The following ZNF678 variants were observed in gnomAD, a reference collection of about 807,000 sequenced individuals.
ZNF678 encodes zinc finger protein 678.
Under a neutral mutation model 3.0 loss-of-function variants are expected in ZNF678, and 5 were observed. The ratio of observed to expected loss-of-function variants is 1.69; its 90% CI spans 0.88 to 3.56. The LOEUF is 3.56. Among genes scored for constraint, ZNF678 ranks in the 30% most tolerant of loss-of-function variants. The pLI, the probability that ZNF678 is intolerant of heterozygous loss-of-function variation, is 0.00. For missense variants in ZNF678, 593 were observed against 605.0 expected (o/e 0.98, Z 0.21); for synonymous variants, 218 against 199.6 (o/e 1.09, Z -0.78).
At chr1:227,600,845 T>C (rs1657720510) in intron 1 of ZNF678, among the ~76,000 whole-genome samples, 1 of 152,242 alleles carries the variant, frequency 6.6e-6, no homozygotes. Context: ...ATCTTCGTCA[T>C]GAAATCTTTG....
chr1:227,567,670 A>G (rs1656727943), intron 1 of ZNF678, among the ~76,000 whole-genome samples: 1 of 152,122 alleles, frequency 6.6e-6, no homozygotes, highest in African/African-American at 2.4e-5. Context: ...TATTTACATA[A>G]AAAGTTACTT....
At chr1:227,588,822 A>G (rs1414293794) in intron 1 of ZNF678, among the ~76,000 whole-genome samples, 16 of 151,618 alleles carry the variant, frequency 1.1e-4, no homozygotes, top group Non-Finnish European at 1.2e-4. Context: ...TGACTTTTTA[A>G]TAGCCATTTT....
intron 1 of ZNF678, among the ~76,000 whole-genome samples, chr1:227,592,004 C>CA (rs1657427692): frequency 6.6e-6 from 1 of 152,120 alleles, no homozygotes; most frequent in South Asian, 2.1e-4. Context: ...AGTCACTTTG[C>CA]AGGGGTTTGC....
intron 1 of ZNF678, among the ~76,000 whole-genome samples, chr1:227,579,259 G>A (rs1233456469): frequency 2.0e-5 from 3 of 152,144 alleles, no homozygotes; most frequent in Non-Finnish European, 4.4e-5. Context: ...GTTGCAGAGT[G>A]TGTGTGCCAT....
intron 1 of ZNF678, among the ~76,000 whole-genome samples, chr1:227,643,825 T>G (rs1001089996): frequency 1.3e-5 from 2 of 151,370 alleles, no homozygotes; most frequent in Admixed American, 6.6e-5. Flanking sequence ...CCATCTATAT[T>G]TAGCTTTTAT....
intron 1 of ZNF678, among the ~76,000 whole-genome samples, chr1:227,594,409 A>G (rs2102742136): frequency 6.6e-6 from 1 of 152,310 alleles, no homozygotes; most frequent in East Asian, 1.9e-4. Flanking sequence ...AATTTTTGTT[A>G]AAGAGCAGGT....
chr1:227,659,893 A>AT lies in ZNF678; in HGVS notation c.*4065_*4066insT, dbSNP rs1491279151. On this transcript the variant is annotated 3_prime_UTR_variant, in exon 4 of 4. Coordinates refer to ENST00000343776, the MANE Select transcript of ZNF678 (RefSeq NM_001367909.1). ...GGTCTTGGCACTTAAAAAAAAAAAA[A>AT]CAATATATTCTCAATAACTGTATTC... The AT allele has an allele frequency of 3.7e-5, 4 of 107,242 alleles. No individual in the cohort carries two copies. The East Asian group carries it at 9.1e-4, about 24-fold the overall frequency. The allele number at this position is 107,242 out of a possible 1,614,324, so 6.6% of individuals were successfully genotyped here. A position where few individuals can be genotyped will look rare whatever the true frequency, so the allele number is the denominator to read the frequency against.
intron 1 of ZNF678, among the ~76,000 whole-genome samples, chr1:227,578,127 C>G (rs147413729): frequency 2.8e-4 from 43 of 152,262 alleles, no homozygotes; most frequent in African/African-American, 9.6e-4. Context: ...ATGGGCTTCC[C>G]TTTGTAGGTT....
Position 227,563,590 on chromosome 1 carries a change from G to A in ZNF678, c.-298G>A. 2.1e-6 allele frequency: 2 copies of A among 951,750 alleles called. No homozygotes were observed. The highest frequency in any genetic ancestry group is 1.7e-5 in the African/African-American group (1 of 59,088). 59.0% of individuals were successfully genotyped at this position (951,750 alleles called of 1,614,324 possible). ...GTGCTCCAGCTGGAGCTTTGGTCCC[G>A]TATTCTCGGCTATTTATCCCCAGCT... is the stretch of plus-strand genomic sequence containing the variant. On this transcript the variant is annotated 5_prime_UTR_variant, in exon 1 of 4. Transcript: ENST00000343776.
In ZNF678 at chr1:227,638,108, T is replaced by C. The variant is rs1658725747; in HGVS notation, c.-163-8436T>C. Among the ~76,000 whole-genome samples, 1 of 152,208 alleles carries C rather than the reference T, an allele frequency of 6.6e-6. No individual in the cohort carries two copies. Among genetic ancestry groups the C allele is most frequent in the African/African-American group, 2.4e-5 (1 of 41,522 alleles). Reference sequence around the variant, plus strand: ...CCTGTCCAAAAAGGTGGGGGCTGTCTCTGAAACATTGAGGTGGTAGTACAC... The same window carrying C: ...CCTGTCCAAAAAGGTGGGGGCTGTCCCTGAAACATTGAGGTGGTAGTACAC... On this transcript the variant is annotated intron_variant, in intron 1 of 3. Coordinates refer to ENST00000343776, the MANE Select transcript of ZNF678 (RefSeq NM_001367909.1). This position sits in a 1 kb window ranked among gnomAD's most constrained non-coding sequence, Gnocchi z 4.2.
Position 227,655,627 on chromosome 1 carries a change from A to C in ZNF678, c.1377A>C (p.Lys459Asn). The stretch of plus-strand genomic sequence containing the variant: ...ATAAGAGAATTCATACTGAAGAGAA[A>C]CCCTACAAATGTGAAGAATGTGGCA... ...SKHKRIHTEE[K>N]PYKCEECGKA... Residue 459 changes from lysine to asparagine, a missense_variant, in exon 4 of 4, where the codon AAA becomes AAC. Transcript: ENST00000343776. The C allele has an allele frequency of 3.7e-6, 6 of 1,612,690 alleles. No homozygotes were observed. Among genetic ancestry groups the C allele is most frequent in the Non-Finnish European group, 5.1e-6 (6 of 1,179,306 alleles).
rs117706534 is a variant in ZNF678 at position 227,634,009 on chromosome 1, G to A, written c.-163-12535G>A. ...AGGAGAAGGAAGAGCGGGGAGGACT[G>A]TGTCTTGCATTTTTGTATACCAGCT... is the stretch of plus-strand genomic sequence containing the variant. On this transcript the variant is annotated intron_variant, in intron 1 of 3. Transcript: ENST00000343776. 3.9e-5 allele frequency among the ~76,000 whole-genome samples: 6 copies of A among 152,330 alleles called. No individual in the cohort carries two copies. The East Asian group carries it at 9.6e-4, about 24-fold the overall frequency.
In ZNF678 at chr1:227,661,562, T is replaced by A. The variant is rs1659407155; in HGVS notation, c.*5734T>A. On this transcript the variant is annotated 3_prime_UTR_variant, in exon 4 of 4. Coordinates refer to ENST00000343776, the MANE Select transcript of ZNF678 (RefSeq NM_001367909.1). The stretch of plus-strand genomic sequence containing the variant: ...TTTATGGAGCCAGGCATGGTTGACC[T>A]GCTTTCCATGTCTCAAAACATTAGT... 1 of 152,170 alleles carries A rather than the reference T, an allele frequency of 6.6e-6. No individual in the cohort carries two copies. The allele number at this position is 152,170 out of a possible 1,614,324, so 9.4% of individuals were successfully genotyped here.
downstream of ZNF678, among the ~76,000 whole-genome samples, chr1:227,664,918 C>T (rs935967791): frequency 6.6e-6 from 1 of 152,166 alleles, no homozygotes. Context: ...CAGTCCCCTA[C>T]GGAGACTGGA....
chr1:227,620,948 A>T (rs1245881547), intron 1 of ZNF678, among the ~76,000 whole-genome samples: 1 of 152,156 alleles, frequency 6.6e-6, no homozygotes, highest in African/African-American at 2.4e-5. Context: ...GGTAGATCAC[A>T]TTACTCAGAT....
intron 5 of ZNF678, among the ~76,000 whole-genome samples, chr1:227,674,356 A>G (rs1659647698): frequency 6.6e-6 from 1 of 152,198 alleles, no homozygotes; most frequent in African/African-American, 2.4e-5. Context: ...AACTCAGAGT[A>G]AATGATAATT....
intron 2 of ZNF678, 109 bp from the exon 3 acceptor site, chr1:227,650,847 G>A (rs1659072533): frequency 2.6e-6 from 2 of 756,496 alleles, no homozygotes; most frequent in African/African-American, 1.7e-5. Flanking sequence ...TATTTGTTAT[G>A]GCTTTCTACA....
At chr1:227,674,205 A>C (rs1360738263) in intron 5 of ZNF678, among the ~76,000 whole-genome samples, 1 of 152,186 alleles carries the variant, frequency 6.6e-6, no homozygotes, top group Non-Finnish European at 1.5e-5. Flanking sequence ...TTTAGATTAT[A>C]GGTTAGTTTA....
downstream of ZNF678, among the ~76,000 whole-genome samples, chr1:227,664,103 A>G (rs1040635975): frequency 6.6e-6 from 1 of 152,124 alleles, no homozygotes; most frequent in African/African-American, 2.4e-5. Flanking sequence ...AAGTTCTCCA[A>G]AGGTTGAGGC....
Sources: gnomAD v4.1 joint callset for allele counts (sites outside exome capture counted in the v4.1 genomes callset) on GRCh38, gnomAD v4.1.1 for gene constraint, Gnocchi (gnomAD v3.1) non-coding constraint, MANE v1.5 for transcripts, NCBI Gene and HGNC (gene_info 2026-07-23, HGNC 2026-07-21) for gene names.